Variants in CDC42SE2 observed in about 807,000 individuals in gnomAD.
The protein encoded by CDC42SE2 is CDC42 small effector protein 2.
In CDC42SE2, 3 loss-of-function variants were observed where a neutral mutation model predicts 11.5. That is an observed-to-expected ratio of 0.26 (90% CI 0.12 to 0.67). The LOEUF is 0.67. CDC42SE2 is among the 30% of genes least tolerant of loss of function. CDC42SE2 has a pLI of 0.80. For missense variants in CDC42SE2, 82 were observed against 106.8 expected (o/e 0.77, Z 1.02); for synonymous variants, 33 against 34.8 (o/e 0.95, Z 0.18).
At chr5:131,365,294 CAA>C (rs1237089766) in intron 3 of CDC42SE2, among the ~76,000 whole-genome samples, 2 of 133,186 alleles carry the variant, frequency 1.5e-5, no homozygotes, top group Admixed American at 7.6e-5. Context: ...GACTCTGTCT[CAA>C]AAAAAAAAAA....
upstream of CDC42SE2, among the ~76,000 whole-genome samples, chr5:131,263,099 A>ATTTT (rs370938077): frequency 2.2e-5 from 3 of 137,774 alleles, no homozygotes; most frequent in Non-Finnish European, 3.1e-5. Flanking sequence ...CACCAGGGTA[A>ATTTT]TTTTTTTTTT....
intron 3 of CDC42SE2, among the ~76,000 whole-genome samples, chr5:131,377,869 G>A (rs1260860504): frequency 1.3e-5 from 2 of 152,162 alleles, no homozygotes; most frequent in East Asian, 1.9e-4. Flanking sequence ...AATATAATAG[G>A]TTCTTGAGAA....
chr5:131,289,015 A>G (rs1757397258), intron 1 of CDC42SE2, among the ~76,000 whole-genome samples: 1 of 152,190 alleles, frequency 6.6e-6, no homozygotes, highest in South Asian at 2.1e-4. Flanking sequence ...TGGCTCCTGT[A>G]TTCTATACAT....
intron 1 of CDC42SE2, among the ~76,000 whole-genome samples, chr5:131,278,235 G>T (rs936114303): frequency 2.6e-5 from 4 of 152,212 alleles, no homozygotes; most frequent in Non-Finnish European, 4.4e-5. Flanking sequence ...GATCCCGCCT[G>T]GGCCTCCCAA....
chr5:131,307,592 C>T (rs1193431452), intron 1 of CDC42SE2, among the ~76,000 whole-genome samples: 13 of 152,140 alleles, frequency 8.5e-5, no homozygotes, highest in Middle Eastern at 3.4e-3. Flanking sequence ...AGTAATGGGA[C>T]GGCTGGGTCA....
At chr5:131,289,728 T>G (rs1403886565) in intron 1 of CDC42SE2, among the ~76,000 whole-genome samples, 1 of 152,130 alleles carries the variant, frequency 6.6e-6, no homozygotes, top group African/African-American at 2.4e-5. Flanking sequence ...GTATTTCTTG[T>G]TTTGCTCACA....
At chr5:131,385,215 C>A (rs1750445771) in intron 3 of CDC42SE2, among the ~76,000 whole-genome samples, 1 of 152,006 alleles carries the variant, frequency 6.6e-6, no homozygotes, top group African/African-American at 2.4e-5. Context: ...TGTTCTTTGC[C>A]AACAATAATA....
At chr5:131,266,143 A>G (rs1159620757) in intron 1 of CDC42SE2, among the ~76,000 whole-genome samples, 1 of 152,186 alleles carries the variant, frequency 6.6e-6, no homozygotes, top group Non-Finnish European at 1.5e-5. Context: ...AAAACTACTA[A>G]TTTAAAAGGA....
chr5:131,385,227 T>C (rs1750446237), intron 3 of CDC42SE2, among the ~76,000 whole-genome samples: 1 of 152,198 alleles, frequency 6.6e-6, no homozygotes, highest in African/African-American at 2.4e-5. Context: ...ACAATAATAG[T>C]GACTGAGGGT....
intron 1 of CDC42SE2, among the ~76,000 whole-genome samples, chr5:131,251,738 G>T (rs1165548981): frequency 6.6e-6 from 1 of 152,180 alleles, no homozygotes; most frequent in African/African-American, 2.4e-5. Flanking sequence ...CAGGGGCTGG[G>T]TATGGTGGCT....
At chr5:131,223,091 C>G in the CDC42SE2 span, among the ~76,000 whole-genome samples, 1 of 152,204 alleles carries the variant, frequency 6.6e-6, no homozygotes, top group African/African-American at 2.4e-5. Flanking sequence ...TTTGACTCAT[C>G]ATCATCCTAT....
intron 2 of CDC42SE2, among the ~76,000 whole-genome samples, chr5:131,342,386 G>GTTTTTT (rs1304028910): frequency 8.7e-6 from 1 of 114,852 alleles, no homozygotes; most frequent in African/African-American, 5.8e-5. Flanking sequence ...ATTTTTAATA[G>GTTTTTT]TCTTTTTTTT....
At chr5:131,269,201 G>GA (rs1756941277) in intron 1 of CDC42SE2, among the ~76,000 whole-genome samples, 2 of 152,156 alleles carry the variant, frequency 1.3e-5, no homozygotes, top group Non-Finnish European at 2.9e-5. Flanking sequence ...GGGAGTTCCT[G>GA]AATTGAAATG....
At chr5:131,247,372 A>G (rs1333005333) in intron 1 of CDC42SE2, among the ~76,000 whole-genome samples, 6 of 152,268 alleles carry the variant, frequency 3.9e-5, no homozygotes, top group Admixed American at 3.9e-4. Context: ...TAATCTTAGC[A>G]CTTTGGGAGG....
intron 2 of CDC42SE2, among the ~76,000 whole-genome samples, chr5:131,343,363 G>A (rs1187377478): frequency 6.6e-6 from 1 of 152,132 alleles, no homozygotes; most frequent in Non-Finnish European, 1.5e-5. Flanking sequence ...TTGTGTCACA[G>A]CATCATTATT....
intron 2 of CDC42SE2, among the ~76,000 whole-genome samples, chr5:131,336,565 T>C (rs1758567833): frequency 6.6e-6 from 1 of 152,242 alleles, no homozygotes; most frequent in African/African-American, 2.4e-5. Flanking sequence ...CTGCATAGTG[T>C]TTTCCAACTT....
At chr5:131,259,784 A>G (rs1385109664), upstream of CDC42SE2, among the ~76,000 whole-genome samples, 2 of 152,258 alleles carry the variant, frequency 1.3e-5, no homozygotes, top group African/African-American at 4.8e-5. Flanking sequence ...GTAGTTATCT[A>G]TTAAATGTGT....
At chr5:131,285,311 A>T (rs186362757) in intron 1 of CDC42SE2, among the ~76,000 whole-genome samples, 28 of 152,166 alleles carry the variant, frequency 1.8e-4, no homozygotes, top group Admixed American at 1.4e-3. Flanking sequence ...AAAACCGTAA[A>T]ACCAACAGTA....
At chr5:131,315,029 C>T (rs1327237908) in intron 1 of CDC42SE2, among the ~76,000 whole-genome samples, 1 of 151,860 alleles carries the variant, frequency 6.6e-6, no homozygotes, top group Non-Finnish European at 1.5e-5. Context: ...TTGGTGATGG[C>T]TTTGGGAGAC....
Sources: allele counts gnomAD v4.1 joint callset (sites outside exome capture counted in the v4.1 genomes callset), GRCh38; gene constraint gnomAD v4.1.1; transcripts MANE v1.5; gene names NCBI Gene and HGNC (gene_info 2026-07-23, HGNC 2026-07-21).